PDS5A: variants seen among roughly 807,000 people sequenced by gnomAD.
The protein encoded by PDS5A is PDS5 cohesin associated factor A, also known as sister chromatid cohesion protein PDS5 homolog A.
Under a neutral mutation model 167.1 loss-of-function variants are expected in PDS5A, and 42 were observed. The observed-to-expected ratio is 0.25, with a 90% CI of 0.20 to 0.33. PDS5A has a LOEUF of 0.33. Ranked by LOEUF, PDS5A falls within the 10% of genes least tolerant of loss-of-function variation. PDS5A has a pLI of 1.00. For synonymous variants in PDS5A, 553 were observed against 554.6 expected, an observed-to-expected ratio of 1.00 and a Z score of 0.04; for missense variants, 1,033 against 1,605.9, an observed-to-expected ratio of 0.64 and a Z score of 6.10.
chr4:39,891,613 A>G (rs900244180), intron 16 of PDS5A, among the ~76,000 whole-genome samples: 4 of 151,908 alleles, frequency 2.6e-5, no homozygotes, highest in Non-Finnish European at 4.4e-5. Context: ...GTGCCATTGC[A>G]CTCCAGCCTG....
intron 2 of PDS5A, among the ~76,000 whole-genome samples, chr4:39,942,692 C>T (rs1273912377): frequency 1.3e-5 from 2 of 152,142 alleles, no homozygotes; most frequent in East Asian, 1.9e-4. Flanking sequence ...TCCCAATGTG[C>T]TAGGACTACA....
At chr4:39,923,742 GAAAC>G (rs952248139) in intron 5 of PDS5A, among the ~76,000 whole-genome samples, 15 of 151,246 alleles carry the variant, frequency 9.9e-5, no homozygotes, top group Admixed American at 3.3e-4. Context: ...AAATTTTAAG[GAAAC>G]AAACAAAAAA....
intron 32 of PDS5A, among the ~76,000 whole-genome samples, chr4:39,828,423 A>T (rs1715509153): frequency 6.6e-6 from 1 of 152,208 alleles, no homozygotes; most frequent in African/African-American, 2.4e-5. Context: ...AGCTAAAAAT[A>T]ATCATTACTG....
chr4:39,901,413 G>A (rs892729138), intron 13 of PDS5A, among the ~76,000 whole-genome samples: 5 of 151,688 alleles, frequency 3.3e-5, no homozygotes, highest in South Asian at 2.1e-4. Flanking sequence ...GATTACAGGC[G>A]TGCACCACCA....
rs1220052226 is a variant in PDS5A, at chr4:39,839,888, G to T, written c.3658-1680C>A. 2.6e-5 allele frequency among the ~76,000 whole-genome samples: 4 copies of T among 151,914 alleles called. No homozygotes were observed. In the South Asian group the frequency reaches 8.3e-4, roughly 32 times the overall value. On this transcript the variant is annotated intron_variant, in intron 31 of 32. Transcript: ENST00000303538. Reference sequence around the variant, plus strand: ...AGGTGGGCGAATCACGAGGTCAGGAGTTCAAGACCAGCCTGGCCAACATGG... The same window carrying T: ...AGGTGGGCGAATCACGAGGTCAGGATTTCAAGACCAGCCTGGCCAACATGG...
At chr4:39,870,585 C>A (rs960253420) in intron 21 of PDS5A, among the ~76,000 whole-genome samples, 1 of 118,736 alleles carries the variant, frequency 8.4e-6, no homozygotes, top group African/African-American at 2.9e-5. Context: ...GAGACCATGT[C>A]TCAAAATAAA....
intron 2 of PDS5A, among the ~76,000 whole-genome samples, chr4:39,931,011 CA>C (rs1311347369): frequency 6.6e-6 from 1 of 152,054 alleles, no homozygotes; most frequent in Non-Finnish European, 1.5e-5. Flanking sequence ...GTTTGTGAAA[CA>C]AAAGATAGAG....
chr4:39,973,995 G>C (rs571427729), intron 2 of PDS5A, among the ~76,000 whole-genome samples: 2 of 152,276 alleles, frequency 1.3e-5, no homozygotes, highest in Admixed American at 1.3e-4. Context: ...GCATGATGGC[G>C]GGCGCCCGTG....
chr4:39,933,068 T>A (rs1313153045), intron 2 of PDS5A: 4 of 152,028 alleles, frequency 2.6e-5, no homozygotes, highest in Non-Finnish European at 5.9e-5. Context: ...CTCGGGAGGA[T>A]GGGGCAGGAG....
chr4:39,948,181 G>A (rs1173633672), intron 2 of PDS5A, among the ~76,000 whole-genome samples: 3 of 132,426 alleles, frequency 2.3e-5, no homozygotes, highest in African/African-American at 5.8e-5. Flanking sequence ...AAGCTCAGGA[G>A]GTAGGCAACA....
chr4:39,963,862 C>T (rs57683809), intron 2 of PDS5A, among the ~76,000 whole-genome samples: 3,713 of 151,640 alleles, frequency 0.024, 149 homozygotes, highest in East Asian at 0.18. Context: ...GGAGAGGGAG[C>T]GTCAAGAAAT....
At chr4:39,971,254 G>A (rs1467032744) in intron 2 of PDS5A, among the ~76,000 whole-genome samples, 3 of 151,992 alleles carry the variant, frequency 2.0e-5, no homozygotes, top group African/African-American at 4.8e-5. Context: ...CGCCTCCTGG[G>A]TTCATGCAAT....
Position 39,900,449 on chromosome 4 carries a change from A to G in PDS5A, c.1558T>C (p.Leu520=). The G allele has an allele frequency of 1.9e-6, 3 of 1,582,374 alleles. No homozygotes were observed. Among genetic ancestry groups the G allele is most frequent in the Non-Finnish European group, 8.6e-7 (1 of 1,162,064 alleles). The change falls in exon 14 of 33, where the codon TTG becomes CTG. Residue 520 remains leucine (L), a synonymous_variant. Coordinates refer to ENST00000303538, the MANE Select transcript of PDS5A (RefSeq NM_001100399.2). ...NMLRSHVREL[L]DLHKQPTSEA... Reference sequence around the variant, plus strand: ...ACTGTAGGCTGCTTGTGCAAATCCAATAGTTCGCGTACATGGCTCCGAAGC... The same window carrying G: ...ACTGTAGGCTGCTTGTGCAAATCCAGTAGTTCGCGTACATGGCTCCGAAGC...
At chr4:39,890,551 GGAT>G (rs1721870984) in intron 16 of PDS5A, among the ~76,000 whole-genome samples, 187 bp from the exon 17 acceptor site, 1 of 152,128 alleles carries the variant, frequency 6.6e-6, no homozygotes, top group Non-Finnish European at 1.5e-5. Flanking sequence ...GAAAAGAAGT[GGAT>G]GATGTGGTTT....
rs1715057907 is a variant in PDS5A at position 39,823,973 on chromosome 4, A to G, written c.*1512T>C. ...TTACATCCCATGTACACTACAGCCT[A>G]TCAAGACGAAGTTATAACACAAATG... On this transcript the variant is annotated 3_prime_UTR_variant, in exon 33 of 33. Coordinates refer to ENST00000303538, the MANE Select transcript of PDS5A (RefSeq NM_001100399.2). The G allele has an allele frequency of 6.6e-6, 1 of 152,202 alleles. No homozygotes were observed. The highest frequency in any genetic ancestry group is 1.5e-5 in the Non-Finnish European group (1 of 68,032). 9.4% of individuals were successfully genotyped at this position (152,202 alleles called of 1,614,324 possible).
intron 16 of PDS5A, among the ~76,000 whole-genome samples, chr4:39,892,974 A>G (rs1221390403): frequency 6.6e-6 from 1 of 152,246 alleles, no homozygotes; most frequent in Non-Finnish European, 1.5e-5. Flanking sequence ...TTATTCTTTT[A>G]AAAATTCTAT....
intron 2 of PDS5A, among the ~76,000 whole-genome samples, chr4:39,940,413 T>C (rs949944987): frequency 1.3e-5 from 2 of 152,122 alleles, no homozygotes; most frequent in African/African-American, 4.8e-5. Flanking sequence ...ATACGTATAT[T>C]CACTTTGTGG....
chr4:39,906,415 C>T (rs556044147), intron 11 of PDS5A, among the ~76,000 whole-genome samples: 189 of 151,508 alleles, frequency 1.2e-3, no homozygotes, highest in African/African-American at 4.3e-3. Flanking sequence ...AACTTCCTTA[C>T]GTTGCAAACC....
chr4:39,924,748 T>C lies in PDS5A; in HGVS notation c.527+1088A>G, dbSNP rs73129439. 3.3e-5 allele frequency among the ~76,000 whole-genome samples: 5 copies of C among 152,342 alleles called. No individual in the cohort carries two copies. In the South Asian group the frequency reaches 8.3e-4, roughly 25 times the overall value. Reference sequence around the variant, plus strand: ...ATTAATGTGACTACTAGAAAACTTATGTGAGGTATGTTTGCATATAATGTA... The same window carrying C: ...ATTAATGTGACTACTAGAAAACTTACGTGAGGTATGTTTGCATATAATGTA... On this transcript the variant is annotated intron_variant, in intron 5 of 32. Coordinates refer to ENST00000303538, the MANE Select transcript of PDS5A (RefSeq NM_001100399.2).
Sources: allele counts gnomAD v4.1 joint callset (sites outside exome capture counted in the v4.1 genomes callset), GRCh38; gene constraint gnomAD v4.1.1; transcripts MANE v1.5; gene names NCBI Gene and HGNC (gene_info 2026-07-23, HGNC 2026-07-21).